ATP1B3: variants seen among roughly 807,000 people sequenced by gnomAD.
ATP1B3 encodes the protein ATPase Na+/K+ transporting subunit beta 3.
In ATP1B3, 10 loss-of-function variants were observed where a neutral mutation model predicts 30.2. The ratio of observed to expected loss-of-function variants is 0.33; its 90% CI spans 0.20 to 0.56. The LOEUF is 0.56. Ranked by LOEUF, ATP1B3 falls within the 20% of genes least tolerant of loss-of-function variation. The probability of loss-of-function intolerance (pLI) is 0.90; values close to 1 mark genes in which losing one functional copy is unlikely to be tolerated. For synonymous variants in ATP1B3, 113 were observed against 117.0 expected (o/e 0.97, Z 0.22); for missense variants, 238 against 336.7 (o/e 0.71, Z 2.29).
chr3:141,895,805 AAAC>A (rs1934054960), intron 1 of ATP1B3, among the ~76,000 whole-genome samples: 2 of 152,290 alleles, frequency 1.3e-5, no homozygotes, highest in South Asian at 2.1e-4. Context: ...TTCTTTTTAA[AAAC>A]AACAACAGCA....
chr3:141,918,515 G>C (rs1934508348), intron 5 of ATP1B3, among the ~76,000 whole-genome samples: 1 of 151,150 alleles, frequency 6.6e-6, no homozygotes, highest in African/African-American at 2.4e-5. Context: ...TGCGATCTCA[G>C]CTCACCTTTG....
intron 1 of ATP1B3, chr3:141,902,979 A>C (rs1212286979): frequency 6.6e-6 from 1 of 152,230 alleles, no homozygotes; most frequent in Non-Finnish European, 1.5e-5. Flanking sequence ...GGGCCATGCT[A>C]ATCTTCTCTG....
At chr3:141,897,986 A>G (rs1276595974) in intron 1 of ATP1B3, among the ~76,000 whole-genome samples, 1 of 152,256 alleles carries the variant, frequency 6.6e-6, no homozygotes, top group Non-Finnish European at 1.5e-5. Flanking sequence ...CTGGGATTAT[A>G]GGCATGAGCC....
chr3:141,889,466 A>C (rs1184440666), intron 1 of ATP1B3, among the ~76,000 whole-genome samples: 1 of 152,034 alleles, frequency 6.6e-6, no homozygotes, highest in Non-Finnish European at 1.5e-5. Flanking sequence ...ACAATAGCTC[A>C]TGCCTGTGAT....
chr3:141,912,159 G>A (rs1934374496), intron 3 of ATP1B3, among the ~76,000 whole-genome samples: 1 of 151,868 alleles, frequency 6.6e-6, no homozygotes, highest in Non-Finnish European at 1.5e-5. Context: ...CAGTAACCTA[G>A]TTTCTGGTAA....
chr3:141,907,210 A>C lies in ATP1B3; in HGVS notation c.282A>C (p.Thr94=). ...AACCAGTGACCGCATTGGAATATACATTCAGTAGGTCTGATCCAACTTCGT... is the reference window on the plus strand; with the variant it reads ...AACCAGTGACCGCATTGGAATATACCTTCAGTAGGTCTGATCCAACTTCGT... ...FPKPVTALEY[T]FSRSDPTSYA... Residue 94 remains threonine (T), a synonymous_variant, in exon 3 of 7, where the codon ACA becomes ACC. Coordinates refer to ENST00000286371, the MANE Select transcript of ATP1B3 (RefSeq NM_001679.4). 6.2e-7 allele frequency: 1 copy of C among 1,612,400 alleles called. No individual in the cohort carries two copies. Among genetic ancestry groups the C allele is most frequent in the Non-Finnish European group, 8.5e-7 (1 of 1,179,328 alleles).
chr3:141,887,483 A>G (rs556674132), intron 1 of ATP1B3, among the ~76,000 whole-genome samples: 66 of 152,352 alleles, frequency 4.3e-4, no homozygotes, highest in African/African-American at 1.5e-3. Flanking sequence ...TATGTGGCAT[A>G]TCCATAAAGG....
At chr3:141,896,609 A>G (rs1402408024) in intron 1 of ATP1B3, among the ~76,000 whole-genome samples, 2 of 152,126 alleles carry the variant, frequency 1.3e-5, no homozygotes, top group Non-Finnish European at 2.9e-5. Context: ...ATGTTTTGCA[A>G]ATATTTTTTC....
chr3:141,900,704 G>A (rs1235480280), intron 1 of ATP1B3, among the ~76,000 whole-genome samples: 2 of 152,124 alleles, frequency 1.3e-5, no homozygotes, highest in Non-Finnish European at 2.9e-5. Context: ...AGAAGAGCTG[G>A]ACAGGGCCCG....
chr3:141,917,893 A>G (rs1479958442), intron 5 of ATP1B3, among the ~76,000 whole-genome samples: 3 of 150,952 alleles, frequency 2.0e-5, no homozygotes, highest in South Asian at 4.2e-4. Context: ...TCAGCCTCCC[A>G]AGTAACTGGG....
intron 4 of ATP1B3, among the ~76,000 whole-genome samples, chr3:141,914,447 G>GTT (rs1934420786): frequency 6.6e-6 from 1 of 152,210 alleles, no homozygotes; most frequent in South Asian, 2.1e-4. Flanking sequence ...AGAAGCTAAT[G>GTT]TTCTCTGTGT....
chr3:141,915,926 A>C, intron 4 of ATP1B3, 44 bp from the exon 5 acceptor site: 1 of 1,513,992 alleles, frequency 6.6e-7, no homozygotes, highest in Non-Finnish European at 9.1e-7. Flanking sequence ...GTTCCATTGC[A>C]TACTTACGTG....
At chr3:141,911,164 C>T (rs1160537273) in intron 3 of ATP1B3, among the ~76,000 whole-genome samples, 8 of 152,058 alleles carry the variant, frequency 5.3e-5, no homozygotes, top group Non-Finnish European at 1.2e-4. Context: ...ATAATTTCCT[C>T]AACTCAATTT....
chr3:141,922,491 A>G (rs1054643775), intron 6 of ATP1B3, among the ~76,000 whole-genome samples: 5 of 151,686 alleles, frequency 3.3e-5, no homozygotes, highest in Non-Finnish European at 7.4e-5. Context: ...CCTCTCTACT[A>G]AAAATACAAA....
At chr3:141,884,518 G>C (rs543519938) in intron 1 of ATP1B3, among the ~76,000 whole-genome samples, 6 of 152,264 alleles carry the variant, frequency 3.9e-5, no homozygotes, top group African/African-American at 1.4e-4. Context: ...ATTGATCCTG[G>C]GTGTGTCTGT....
At chr3:141,914,474 T>C (rs1333315713) in intron 4 of ATP1B3, among the ~76,000 whole-genome samples, 1 of 152,050 alleles carries the variant, frequency 6.6e-6, no homozygotes, top group Non-Finnish European at 1.5e-5. Context: ...AGTAATGAAT[T>C]AGGGTCATTG....
intron 6 of ATP1B3, among the ~76,000 whole-genome samples, chr3:141,924,029 A>G (rs1209461446): frequency 2.6e-5 from 4 of 152,188 alleles, no homozygotes; most frequent in East Asian, 1.9e-4. Flanking sequence ...ATCAATAAGT[A>G]TCATGTGGGG....
chr3:141,897,076 A>G (rs1934080669), intron 1 of ATP1B3, among the ~76,000 whole-genome samples: 1 of 152,078 alleles, frequency 6.6e-6, no homozygotes, highest in South Asian at 2.1e-4. Flanking sequence ...TCCCACTTCA[A>G]GCAGATGCTG....
chr3:141,917,784 T>G (rs1231355036), intron 5 of ATP1B3, among the ~76,000 whole-genome samples: 3 of 151,104 alleles, frequency 2.0e-5, no homozygotes, highest in East Asian at 3.9e-4. Flanking sequence ...TTTTTTTTTT[T>G]GGAGACGGAG....
Sources: gnomAD v4.1 joint callset for allele counts (sites outside exome capture counted in the v4.1 genomes callset) on GRCh38, gnomAD v4.1.1 for gene constraint, MANE v1.5 for transcripts, NCBI Gene and HGNC (gene_info 2026-07-23, HGNC 2026-07-21) for gene names.